TENM4: variants seen among roughly 807,000 people sequenced by gnomAD.
The protein encoded by TENM4 is teneurin-4.
A neutral mutation model predicts 243.3 loss-of-function variants in TENM4; 82 were observed. The ratio of observed to expected loss-of-function variants is 0.34; its 90% CI spans 0.28 to 0.40. TENM4 has a LOEUF of 0.40. Ranked by LOEUF, TENM4 falls within the 10% of genes least tolerant of loss-of-function variation. TENM4 has a pLI of 1.00. For missense variants in TENM4, 3,138 were observed against 3,673.3 expected, an observed-to-expected ratio of 0.85 and a Z score of 3.77; for synonymous variants, 1,412 against 1,456.3, an observed-to-expected ratio of 0.97 and a Z score of 0.69.
intron 3 of TENM4, among the ~76,000 whole-genome samples, chr11:79,191,979 G>A (rs1244109450): frequency 2.6e-5 from 4 of 151,672 alleles, no homozygotes; most frequent in African/African-American, 9.7e-5. Context: ...CAGCCGCCCC[G>A]TCGGGGAGGT....
In TENM4 at chr11:78,699,382, G is replaced by T. The variant is rs944774394; in HGVS notation, c.5087+2144C>A. 2.0e-5 allele frequency among the ~76,000 whole-genome samples: 3 copies of T among 152,204 alleles called. No individual in the cohort carries two copies. In the East Asian group the frequency reaches 5.8e-4, roughly 29 times the overall value. On this transcript the variant is annotated intron_variant, in intron 28 of 33. Transcript: ENST00000278550. ...CTACATACTCACTGTGTGGTTTCAG[G>T]CTTGTTATCTAATCTCTCTGTACTT...
intron 3 of TENM4, among the ~76,000 whole-genome samples, chr11:79,162,736 G>A (rs1007719276): frequency 2.0e-4 from 30 of 152,124 alleles, no homozygotes; most frequent in Non-Finnish European, 3.8e-4. Context: ...GGGTTTGCGG[G>A]CTCACCCCTC....
At chr11:79,379,460 G>C (rs182068724) in intron 1 of TENM4, among the ~76,000 whole-genome samples, 1 of 152,278 alleles carries the variant, frequency 6.6e-6, no homozygotes, top group Admixed American at 6.5e-5. Flanking sequence ...TACGATTGAC[G>C]TGGTTCAGGG....
intron 1 of TENM4, among the ~76,000 whole-genome samples, chr11:79,355,033 C>A (rs150627664): frequency 7.2e-5 from 11 of 152,262 alleles, no homozygotes; most frequent in South Asian, 2.1e-4. Context: ...AGCCAAGAAG[C>A]CATTTGTTGA....
intron 1 of TENM4, among the ~76,000 whole-genome samples, chr11:79,300,847 T>G (rs373892869): frequency 1.1e-4 from 16 of 152,336 alleles, no homozygotes; most frequent in African/African-American, 2.9e-4. Flanking sequence ...TTAGCTTGCT[T>G]CCAGCATGTC....
At chr11:78,876,266 C>T (rs1216382940) in intron 9 of TENM4, among the ~76,000 whole-genome samples, 1 of 152,188 alleles carries the variant, frequency 6.6e-6, no homozygotes, top group Non-Finnish European at 1.5e-5. Context: ...CTAGTGGAGC[C>T]TCTCTTCTAA....
At chr11:79,062,218 C>G (rs1860110060) in intron 6 of TENM4, among the ~76,000 whole-genome samples, 1 of 152,192 alleles carries the variant, frequency 6.6e-6, no homozygotes, top group Non-Finnish European at 1.5e-5. Flanking sequence ...ACCCCAGCCT[C>G]TGAAAGTGCT....
intron 3 of TENM4, among the ~76,000 whole-genome samples, chr11:79,181,088 T>C (rs1460807717): frequency 2.6e-5 from 4 of 152,138 alleles, no homozygotes; most frequent in Non-Finnish European, 4.4e-5. Flanking sequence ...CCTAACTCAT[T>C]CCATGAGGCC....
chr11:79,202,970 A>G (rs1330317340), intron 3 of TENM4, among the ~76,000 whole-genome samples: 1 of 152,190 alleles, frequency 6.6e-6, no homozygotes, highest in East Asian at 1.9e-4. Flanking sequence ...TGTCCTACAA[A>G]GTGGGTATTA....
At chr11:79,005,814 T>G (rs925266687) in intron 6 of TENM4, among the ~76,000 whole-genome samples, 1 of 152,182 alleles carries the variant, frequency 6.6e-6, no homozygotes, top group African/African-American at 2.4e-5. Context: ...TATCCTTGTT[T>G]TCAGATAATA....
At chr11:79,171,266 T>G (rs1256976597) in intron 3 of TENM4, among the ~76,000 whole-genome samples, 2 of 152,166 alleles carry the variant, frequency 1.3e-5, no homozygotes, top group Non-Finnish European at 2.9e-5. Flanking sequence ...ACCCAGTATA[T>G]GGTATTTGTG....
chr11:79,353,553 G>A (rs1857449394), intron 1 of TENM4, among the ~76,000 whole-genome samples: 1 of 152,176 alleles, frequency 6.6e-6, no homozygotes, highest in Admixed American at 6.5e-5. Context: ...TCCTAGAAGT[G>A]TGACGATCTC....
At chr11:78,769,222 T>G (rs1277941199) in intron 18 of TENM4, among the ~76,000 whole-genome samples, 2 of 152,230 alleles carry the variant, frequency 1.3e-5, no homozygotes, top group East Asian at 3.9e-4. Flanking sequence ...ATGCAGATAA[T>G]GTAGGCTGAC....
intron 2 of TENM4, among the ~76,000 whole-genome samples, chr11:79,220,741 A>G (rs1218645606): frequency 1.3e-5 from 2 of 152,296 alleles, no homozygotes; most frequent in African/African-American, 4.8e-5. Flanking sequence ...CTTTTCCACC[A>G]GACTGGGAGC....
intron 6 of TENM4, among the ~76,000 whole-genome samples, chr11:78,933,295 G>A (rs555597437): frequency 6.6e-6 from 1 of 152,206 alleles, no homozygotes; most frequent in East Asian, 1.9e-4. Context: ...GGCTTCACAG[G>A]GTAACTGGCA....
At chr11:78,825,103 G>T (rs998941878) in intron 12 of TENM4, among the ~76,000 whole-genome samples, 2 of 152,214 alleles carry the variant, frequency 1.3e-5, no homozygotes, top group Non-Finnish European at 2.9e-5. Context: ...TGTTAAAGCT[G>T]TCAGGAGGGA....
intron 6 of TENM4, among the ~76,000 whole-genome samples, chr11:78,923,225 T>A (rs1856483250): frequency 6.6e-6 from 1 of 152,180 alleles, no homozygotes; most frequent in South Asian, 2.1e-4. Flanking sequence ...TGTCACTATC[T>A]TGAAATTCTG....
At chr11:78,860,289 G>A (rs903146469) in intron 10 of TENM4, among the ~76,000 whole-genome samples, 79 of 152,186 alleles carry the variant, frequency 5.2e-4, no homozygotes, top group African/African-American at 1.9e-3. Context: ...ATTAGGCTTT[G>A]AATGGATAGA....
At chr11:79,421,747 C>T (rs551483048) in intron 1 of TENM4, among the ~76,000 whole-genome samples, 1 of 151,968 alleles carries the variant, frequency 6.6e-6, no homozygotes, top group Admixed American at 6.5e-5. Context: ...AGTGCTTCTG[C>T]AGGGAGGCTG....
Sources: gnomAD v4.1 joint callset for allele counts (sites outside exome capture counted in the v4.1 genomes callset) on GRCh38, gnomAD v4.1.1 for gene constraint, MANE v1.5 for transcripts, NCBI Gene and HGNC (gene_info 2026-07-23, HGNC 2026-07-21) for gene names.